TPO: variants seen among roughly 807,000 people sequenced by gnomAD.
The protein encoded by TPO is thyroid microsomal antigen.
In TPO, 78 loss-of-function variants were observed where a neutral mutation model predicts 96.9. The observed-to-expected ratio is 0.81, with a 90% CI of 0.67 to 0.97. The LOEUF (loss-of-function observed/expected upper bound fraction) is 0.97, where lower values mean the gene tolerates loss of function less well. TPO is among the 50% of genes least tolerant of loss of function. TPO has a pLI of 0.00. For synonymous variants in TPO, 547 were observed against 538.0 expected, an observed-to-expected ratio of 1.02 and a Z score of -0.23; for missense variants, 1,252 against 1,274.8, an observed-to-expected ratio of 0.98 and a Z score of 0.27.
intron 7 of TPO, 124 bp downstream of exon 7, chr2:1,456,406 T>G (rs1424833527): frequency 2.0e-6 from 2 of 1,024,084 alleles, no homozygotes; most frequent in African/African-American, 3.2e-5. Flanking sequence ...GGGTAGCAGT[T>G]GTGAATATCT....
At chr2:1,491,966 C>CG (rs1235112423) in intron 10 of TPO, among the ~76,000 whole-genome samples, 2 of 152,112 alleles carry the variant, frequency 1.3e-5, no homozygotes, top group African/African-American at 4.8e-5. Flanking sequence ...CAGCTTCTCA[C>CG]GGGGGCTCGG....
Position 1,516,877 on chromosome 2 carries a change from C to G in TPO, c.2519-6C>G, listed in dbSNP as rs752849244. On this transcript the variant is annotated splice_polypyrimidine_tract_variant and splice_region_variant and intron_variant, in intron 14 of 16. Transcript: ENST00000329066. ...TCTTCTAACCAGGCCTCTTTCTGTG[C>G]CCCAGACTCCGGGAGGCTCCCTCGG... 6.2e-7 allele frequency: 1 copy of G among 1,613,726 alleles called. No homozygotes were observed. Among genetic ancestry groups the G allele is most frequent in the Non-Finnish European group, 8.5e-7 (1 of 1,179,958 alleles).
chr2:1,424,476 G>A (rs1664116335), intron 3 of TPO, among the ~76,000 whole-genome samples: 2 of 152,140 alleles, frequency 1.3e-5, no homozygotes, highest in Non-Finnish European at 2.9e-5. Context: ...GCCGAGAGGT[G>A]GGATCCACTC....
chr2:1,535,842 G>T, intron 15 of TPO, among the ~76,000 whole-genome samples: 1 of 73,636 alleles, frequency 1.4e-5, no homozygotes, highest in African/African-American at 7.0e-5. Flanking sequence ...CCCAAACTGT[G>T]TGCAACCTCC....
intron 4 of TPO, among the ~76,000 whole-genome samples, chr2:1,435,584 C>T (rs562682024): frequency 5.1e-4 from 77 of 151,990 alleles, no homozygotes; most frequent in African/African-American, 1.5e-3. Flanking sequence ...GAGAAGTAAT[C>T]GATGATTACC....
chr2:1,450,638 ACCG>A (rs1667224916), intron 5 of TPO, among the ~76,000 whole-genome samples: 1 of 152,138 alleles, frequency 6.6e-6, no homozygotes, highest in African/African-American at 2.4e-5. Flanking sequence ...TGACCTGCTG[ACCG>A]TGAAGGTCAG....
rs767147653 is a variant in TPO, at chr2:1,484,897, CCTT to C, written c.1597+47_1597+49del. 6.2e-6 allele frequency: 10 copies of C among 1,609,246 alleles called. No homozygotes were observed. In the Admixed American group the frequency reaches 1.0e-4, roughly 16 times the overall value. On this transcript the variant is annotated intron_variant, in intron 9 of 16. Transcript: ENST00000329066. ...CTGCAGCTGGTCCCCATGAACTCTT[CCTT>C]CTTTTTTTAATTTTTTTAAATTATA... is the stretch of plus-strand genomic sequence containing the variant.
intron 1 of TPO, among the ~76,000 whole-genome samples, chr2:1,405,705 T>C (rs1259526279): frequency 6.6e-6 from 1 of 152,230 alleles, no homozygotes; most frequent in Admixed American, 6.5e-5. Context: ...AGAAATTAAT[T>C]GCTTCTTTAT....
rs1672075183 is a variant in TPO at position 1,494,015 on chromosome 2, T to G, written c.1982T>G (p.Met661Arg). 1 of 1,614,036 alleles carries G rather than the reference T, an allele frequency of 6.2e-7. No homozygotes were observed. Among genetic ancestry groups the G allele is most frequent in the African/African-American group, 1.3e-5 (1 of 74,928 alleles). The change falls in exon 11 of 17, where the codon ATG (methionine) becomes AGG (arginine). Residue 661 changes from methionine (M) to arginine (R), a missense_variant. Met to Arg is a moderately conservative substitution (Grantham distance 91). Coordinates refer to ENST00000329066, the MANE Select transcript of TPO (RefSeq NM_001206744.2). ...TTTGCCTGTCTCATTGGGAAGCAGA[T>G]GAAGGCTCTGCGGGACGGTGACTGG... is the stretch of plus-strand genomic sequence containing the variant. ...PLFACLIGKQ[M>R]KALRDGDWFW...
rs1433025885 is a variant in TPO at position 1,528,737 on chromosome 2, CCAAATCCCCCACACTGTGTGCAGCCTCCT to C, written c.2618+11766_2618+11794del. Among the ~76,000 whole-genome samples, 279 of 141,142 alleles carry C rather than the reference CCAAATCCCCCACACTGTGTGCAGCCTCCT, an allele frequency of 2.0e-3. 3 individuals carry two copies. The highest frequency in any genetic ancestry group is 7.5e-3 in the African/African-American group (269 of 35,818). 92.6% of individuals were successfully genotyped at this position (141,142 alleles called of 152,430 possible). On this transcript the variant is annotated intron_variant, in intron 15 of 16. Transcript: ENST00000329066. ...ATCCCACCCACTCTGTGCAACCTCC[CCAAATCCCCCACACTGTGTGCAGCCTCCT>C]CAAATCCCCCCACTGTGTGCAACCT...
intron 7 of TPO, among the ~76,000 whole-genome samples, chr2:1,469,359 C>T (rs1441206332): frequency 6.6e-6 from 1 of 152,180 alleles, no homozygotes. Context: ...AGGTCTAGGG[C>T]TCTAGCCTGT....
intron 1 of TPO, among the ~76,000 whole-genome samples, chr2:1,407,385 G>A (rs545235517): frequency 3.9e-5 from 6 of 152,300 alleles, no homozygotes; most frequent in African/African-American, 1.4e-4. Context: ...TGTGGAGACA[G>A]CTGAAAACTG....
At chr2:1,456,707 C>G (rs1279931313) in intron 7 of TPO, among the ~76,000 whole-genome samples, 1 of 50,276 alleles carries the variant, frequency 2.0e-5, no homozygotes, top group African/African-American at 6.9e-5. Flanking sequence ...ATGTATGATA[C>G]TCTGGGTACA....
chr2:1,475,946 A>G (rs1035338842), intron 7 of TPO, among the ~76,000 whole-genome samples: 11 of 147,474 alleles, frequency 7.5e-5, no homozygotes, highest in African/African-American at 2.8e-4. Context: ...CCTCTCACCT[A>G]CATTCTTTCT....
intron 7 of TPO, among the ~76,000 whole-genome samples, chr2:1,475,516 C>T (rs1027914035): frequency 5.3e-5 from 8 of 152,104 alleles, no homozygotes; most frequent in Admixed American, 1.3e-4. Context: ...CTCCGCCTCC[C>T]AGGTTCACGC....
intron 15 of TPO, among the ~76,000 whole-genome samples, chr2:1,538,731 G>T (rs28913041): frequency 6.6e-6 from 1 of 152,124 alleles, no homozygotes; most frequent in South Asian, 2.1e-4. Flanking sequence ...GGAGGGCGAG[G>T]GCTGCCATAA....
In TPO at chr2:1,448,990, C is replaced by T. The variant is rs1424882155; in HGVS notation, c.483-4704C>T. 3.3e-5 allele frequency among the ~76,000 whole-genome samples: 5 copies of T among 152,152 alleles called. No individual in the cohort carries two copies. The East Asian group carries it at 5.8e-4, about 18-fold the overall frequency. On this transcript the variant is annotated intron_variant, in intron 5 of 16. Coordinates refer to ENST00000329066, the MANE Select transcript of TPO (RefSeq NM_001206744.2). ...CATGGACATTGTGAGCTGCAGGAAG[C>T]GATCCCACCAGGGATCAAAAAGCCA...
intron 15 of TPO, among the ~76,000 whole-genome samples, chr2:1,522,148 G>GTC (rs56040122): frequency 0.51 from 61,797 of 121,518 alleles, 16,672 homozygotes; most frequent in South Asian, 0.56. Flanking sequence ...TGCCCTTACA[G>GTC]TCTCTACCCC....
chr2:1,448,957 G>A (rs530822440), intron 5 of TPO, among the ~76,000 whole-genome samples: 7 of 152,256 alleles, frequency 4.6e-5, no homozygotes, highest in Non-Finnish European at 7.3e-5. Flanking sequence ...CACAGAGAAC[G>A]AACGTGGCAT....
Sources: gnomAD v4.1 joint callset for allele counts (sites outside exome capture counted in the v4.1 genomes callset) on GRCh38, gnomAD v4.1.1 for gene constraint, MANE v1.5 for transcripts, NCBI Gene and HGNC (gene_info 2026-07-23, HGNC 2026-07-21) for gene names.